CPVL: variants seen among roughly 807,000 people sequenced by gnomAD.
CPVL encodes probable serine carboxypeptidase CPVL.
In CPVL, 51 loss-of-function variants were observed where a neutral mutation model predicts 63.7. The observed-to-expected ratio is 0.80, with a 90% CI of 0.64 to 1.01. The LOEUF is 1.01. Ranked by LOEUF, CPVL falls within the 50% of genes least tolerant of loss-of-function variation. The pLI is 0.00. For synonymous variants in CPVL, 195 were observed against 206.0 expected (o/e 0.95, Z 0.46); for missense variants, 530 against 573.1 (o/e 0.92, Z 0.77).
At chr7:29,106,142 G>A (rs1221857800) in intron 3 of CPVL, among the ~76,000 whole-genome samples, 1 of 152,170 alleles carries the variant, frequency 6.6e-6, no homozygotes, top group Non-Finnish European at 1.5e-5. Context: ...TGACTGGCAG[G>A]TGGACACAGA....
chr7:29,166,109 T>G (rs181433568), intron 5 of CPVL, among the ~76,000 whole-genome samples: 41 of 152,238 alleles, frequency 2.7e-4, no homozygotes, highest in African/African-American at 9.6e-4. Flanking sequence ...CAGCTCACTG[T>G]AGCCTTGATT....
intron 6 of CPVL, among the ~76,000 whole-genome samples, chr7:29,087,835 T>C (rs1785370183): frequency 6.6e-6 from 1 of 152,236 alleles, no homozygotes; most frequent in South Asian, 2.1e-4. Context: ...AAATTCACCA[T>C]GAAACACTAC....
At chr7:28,997,803 GA>G (rs1322792125) in intron 12 of CPVL, among the ~76,000 whole-genome samples, 2 of 138,854 alleles carry the variant, frequency 1.4e-5, no homozygotes, top group African/African-American at 2.4e-5. Flanking sequence ...GTTTATTGAT[GA>G]AAAAAATTAT....
chr7:29,109,084 G>C (rs1434174764), intron 3 of CPVL, among the ~76,000 whole-genome samples: 1 of 152,158 alleles, frequency 6.6e-6, no homozygotes, highest in Non-Finnish European at 1.5e-5. Flanking sequence ...ATAAGAAAAT[G>C]CACAGTGCCT....
At chr7:29,147,489 T>C (rs1319062787), upstream of CPVL, among the ~76,000 whole-genome samples, 1 of 152,240 alleles carries the variant, frequency 6.6e-6, no homozygotes, top group Admixed American at 6.5e-5. Flanking sequence ...GCACTAGTTT[T>C]ACGAGCTGGA....
intron 1 of CPVL, among the ~76,000 whole-genome samples, chr7:29,125,667 A>T (rs2190643): frequency 0.69 from 104,309 of 151,220 alleles, 35,998 homozygotes; most frequent in East Asian, 0.88. Context: ...TGCTGGGATT[A>T]CAGGCGTGAG....
At chr7:29,022,005 G>A (rs987362094) in intron 12 of CPVL, among the ~76,000 whole-genome samples, 1 of 152,188 alleles carries the variant, frequency 6.6e-6, no homozygotes, top group Non-Finnish European at 1.5e-5. Flanking sequence ...CACTGGGGAG[G>A]CTGCCCTAGG....
intron 1 of CPVL, among the ~76,000 whole-genome samples, chr7:29,137,706 G>T (rs887851101): frequency 1.3e-5 from 2 of 152,168 alleles, no homozygotes; most frequent in Admixed American, 1.3e-4. Context: ...AAACCTTACC[G>T]AGGACTCCTG....
chr7:29,155,304 C>G (rs1794206343), intron 5 of CPVL, among the ~76,000 whole-genome samples: 1 of 151,926 alleles, frequency 6.6e-6, no homozygotes, highest in Non-Finnish European at 1.5e-5. Flanking sequence ...AAGCCATTAT[C>G]AAAAATAAAT....
chr7:29,058,981 C>T (rs1389836595), intron 11 of CPVL, among the ~76,000 whole-genome samples: 1 of 152,056 alleles, frequency 6.6e-6, no homozygotes, highest in Non-Finnish European at 1.5e-5. Flanking sequence ...ATCATTATTG[C>T]TTTAAATATT....
chr7:29,079,453 T>C (rs1784499854), intron 7 of CPVL, among the ~76,000 whole-genome samples: 2 of 152,150 alleles, frequency 1.3e-5, no homozygotes, highest in South Asian at 4.1e-4. Flanking sequence ...CTAACCTCAC[T>C]AAGCCTCGGT....
intron 9 of CPVL, among the ~76,000 whole-genome samples, chr7:29,069,827 T>TGTGTGTGTGTGTGTGTGTGTGTGCGCGC (rs1554335163): frequency 3.0e-5 from 4 of 135,486 alleles, no homozygotes; most frequent in African/African-American, 1.1e-4. Context: ...TGTGTGTGTG[T>TGTGTGTGTGTGTGTGTGTGTGTGCGCGC]GCATGTAAAT....
At chr7:29,165,455 C>G (rs1299419988) in intron 5 of CPVL, among the ~76,000 whole-genome samples, 2 of 152,056 alleles carry the variant, frequency 1.3e-5, no homozygotes, top group African/African-American at 4.8e-5. Context: ...TTTAAATCAC[C>G]TATACTGGTT....
intron 5 of CPVL, among the ~76,000 whole-genome samples, chr7:29,176,496 T>A (rs535958015): frequency 1.2e-4 from 19 of 152,306 alleles, no homozygotes; most frequent in African/African-American, 4.6e-4. Flanking sequence ...GGAAATTAAC[T>A]GTCAGCTTGA....
chr7:29,050,707 TACC>T (rs1274685281), intron 11 of CPVL, among the ~76,000 whole-genome samples: 4 of 151,546 alleles, frequency 2.6e-5, no homozygotes, highest in Non-Finnish European at 4.4e-5. Flanking sequence ...CTCATCAAAA[TACC>T]ACCATCATTC....
chr7:29,132,763 G>A (rs1243248320), intron 1 of CPVL, among the ~76,000 whole-genome samples: 1 of 152,056 alleles, frequency 6.6e-6, no homozygotes, highest in African/African-American at 2.4e-5. Flanking sequence ...GCTGTGTTTT[G>A]AGCTCCCTCA....
At chr7:29,081,841 A>G (rs1784749651) in intron 7 of CPVL, among the ~76,000 whole-genome samples, 1 of 152,198 alleles carries the variant, frequency 6.6e-6, no homozygotes, top group South Asian at 2.1e-4. Context: ...ATCTAATTAA[A>G]TGCTCAAAAC....
intron 4 of CPVL, chr7:29,184,276 T>C (rs1422309786): frequency 2.0e-5 from 3 of 150,806 alleles, no homozygotes; most frequent in African/African-American, 7.3e-5. Flanking sequence ...AGTGGATATA[T>C]ATGATATATA....
At chr7:29,130,164 C>G (rs1790539332) in intron 1 of CPVL, among the ~76,000 whole-genome samples, 1 of 152,168 alleles carries the variant, frequency 6.6e-6, no homozygotes, top group Non-Finnish European at 1.5e-5. Context: ...GATTGGAGAT[C>G]AGGAAGACTA....
Sources: allele counts gnomAD v4.1 joint callset (sites outside exome capture counted in the v4.1 genomes callset), GRCh38; gene constraint gnomAD v4.1.1; transcripts MANE v1.5; gene names NCBI Gene and HGNC (gene_info 2026-07-23, HGNC 2026-07-21).